The following CMIP variants were observed in gnomAD, a reference collection of about 807,000 sequenced individuals.
The protein encoded by CMIP is C-Maf-inducing protein.
Under a neutral mutation model 97.3 loss-of-function variants are expected in CMIP, and 13 were observed. That is an observed-to-expected ratio of 0.13 (90% CI 0.09 to 0.21). The LOEUF is 0.21. Among genes scored for constraint, CMIP ranks in the 10% least tolerant of loss-of-function variants. The probability of loss-of-function intolerance (pLI) is 1.00; values close to 1 mark genes in which losing one functional copy is unlikely to be tolerated. For synonymous variants in CMIP, 538 were observed against 436.3 expected (o/e 1.23, Z -2.91); for missense variants, 847 against 1,024.9 (o/e 0.83, Z 2.37).
At chr16:81,492,695 AG>A (rs1265278022) in intron 1 of CMIP, among the ~76,000 whole-genome samples, 3 of 152,082 alleles carry the variant, frequency 2.0e-5, no homozygotes. Flanking sequence ...CTGGAGAAAA[AG>A]GGGGGAAGAG....
chr16:81,638,035 C>A (rs921841015), intron 3 of CMIP, among the ~76,000 whole-genome samples: 13 of 152,296 alleles, frequency 8.5e-5, no homozygotes, highest in South Asian at 8.3e-4. Context: ...ACACCCCCCC[C>A]ACTGGGGATT....
chr16:81,599,153 C>A (rs2091615824), intron 1 of CMIP, among the ~76,000 whole-genome samples: 2 of 152,004 alleles, frequency 1.3e-5, no homozygotes, highest in African/African-American at 4.8e-5. Context: ...GGCAGCTCCC[C>A]TGTGCCCACA....
At chr16:81,696,508 T>G in intron 13 of CMIP, 52 bp from the exon 14 acceptor site, 1 of 1,547,936 alleles carries the variant, frequency 6.5e-7, no homozygotes. Context: ...ATGGTCGCCC[T>G]TGTCACCGGG....
At chr16:81,479,255 C>T (rs1045736920) in intron 1 of CMIP, among the ~76,000 whole-genome samples, 66 of 152,116 alleles carry the variant, frequency 4.3e-4, no homozygotes, top group African/African-American at 1.2e-3. Flanking sequence ...GATGTCATCT[C>T]CTATGGTAAG....
chr16:81,586,148 C>G (rs537454160), intron 1 of CMIP, among the ~76,000 whole-genome samples: 1 of 152,012 alleles, frequency 6.6e-6, no homozygotes, highest in African/African-American at 2.4e-5. Flanking sequence ...TAAACAGCTA[C>G]TTGTAGAGAC....
intron 1 of CMIP, among the ~76,000 whole-genome samples, chr16:81,595,988 C>G (rs755245475): frequency 2.0e-5 from 3 of 152,226 alleles, no homozygotes; most frequent in Admixed American, 6.5e-5. Context: ...TTTACATTCA[C>G]ACTAGTGGTG....
intron 1 of CMIP, among the ~76,000 whole-genome samples, chr16:81,477,787 T>C (rs908735108): frequency 1.3e-5 from 2 of 152,250 alleles, no homozygotes; most frequent in African/African-American, 4.8e-5. Context: ...CTTAGCACCA[T>C]GGGCCAAGAG....
intron 1 of CMIP, among the ~76,000 whole-genome samples, chr16:81,564,336 C>A (rs905684721): frequency 6.6e-6 from 1 of 152,190 alleles, no homozygotes; most frequent in East Asian, 1.9e-4. Flanking sequence ...TAAAATGTGC[C>A]CATGCTGAGC....
rs1363630842 is a variant in CMIP at position 81,626,786 on chromosome 16, AGAGTGTGT to A, written c.477+5862_477+5869del. Among the ~76,000 whole-genome samples the A allele has an allele frequency of 2.4e-3, 242 of 102,572 alleles. 8 individuals are homozygous for A. The highest frequency in any genetic ancestry group is 7.6e-3 in the African/African-American group (186 of 24,528). The allele number at this position is 102,572 out of a possible 152,430, so 67.3% of individuals were successfully genotyped here. On this transcript the variant is annotated intron_variant, in intron 3 of 20. Transcript: ENST00000537098. ...GGTGTGTGGAGTGACAGAGAGAGAG[AGAGTGTGT>A]GTGTGTGTGTGTGTGTGTGTGTGGG... is the stretch of plus-strand genomic sequence containing the variant.
At chr16:81,593,233 A>G (rs2091493316) in intron 1 of CMIP, among the ~76,000 whole-genome samples, 1 of 152,100 alleles carries the variant, frequency 6.6e-6, no homozygotes, top group Non-Finnish European at 1.5e-5. Flanking sequence ...TGTGCTGCTG[A>G]GGTCTGGGCA....
At chr16:81,679,635 A>C (rs1356630690) in intron 10 of CMIP, among the ~76,000 whole-genome samples, 1 of 151,462 alleles carries the variant, frequency 6.6e-6, no homozygotes, top group Non-Finnish European at 1.5e-5. Flanking sequence ...TGGGTGTAGG[A>C]GACCCGTGGA....
intron 1 of CMIP, among the ~76,000 whole-genome samples, chr16:81,571,983 G>C (rs926289898): frequency 6.6e-6 from 1 of 152,194 alleles, no homozygotes; most frequent in South Asian, 2.1e-4. Context: ...AGGGTGTCTC[G>C]GAAGAGTTGC....
intron 6 of CMIP, among the ~76,000 whole-genome samples, chr16:81,663,776 G>A (rs1399274637): frequency 6.6e-6 from 1 of 152,172 alleles, no homozygotes; most frequent in Non-Finnish European, 1.5e-5. Flanking sequence ...GGGTAGAAAT[G>A]CAGGCACCTG....
chr16:81,693,604 GACCCATTGCCTGTGTATAAAC>G (rs1906362481), intron 13 of CMIP, 117 bp downstream of exon 13: 1 of 1,120,922 alleles, frequency 8.9e-7, no homozygotes, highest in Admixed American at 2.4e-5. Context: ...AGCTTTCAGA[GACCCATTGCCTGTGTATAAAC>G]ACATCCCCGC....
chr16:81,675,406 A>G (rs1904292342), intron 9 of CMIP, among the ~76,000 whole-genome samples: 1 of 138,302 alleles, frequency 7.2e-6, no homozygotes, highest in African/African-American at 2.7e-5. Context: ...TTTAGTAGAG[A>G]TGGGGTTTCG....
At chr16:81,565,649 A>G (rs2090966453) in intron 1 of CMIP, among the ~76,000 whole-genome samples, 1 of 152,134 alleles carries the variant, frequency 6.6e-6, no homozygotes, top group Admixed American at 6.5e-5. Context: ...TCCTGTGGTA[A>G]CCGTGGCATC....
intron 1 of CMIP, among the ~76,000 whole-genome samples, chr16:81,604,875 A>G (rs2091716669): frequency 6.6e-6 from 1 of 152,198 alleles, no homozygotes; most frequent in Non-Finnish European, 1.5e-5. Context: ...CAGTTAAAAC[A>G]CGGATGAAAG....
chr16:81,690,257 T>G (rs888139516), intron 10 of CMIP, among the ~76,000 whole-genome samples: 24 of 152,194 alleles, frequency 1.6e-4, no homozygotes, highest in African/African-American at 5.6e-4. Context: ...GTATGGCCAT[T>G]TTCACGATAT....
chr16:81,668,291 C>T (rs551458672), intron 7 of CMIP, among the ~76,000 whole-genome samples: 88 of 152,258 alleles, frequency 5.8e-4, no homozygotes, highest in African/African-American at 2.1e-3. Context: ...AGACACAGCC[C>T]GAGGGGCTGG....
Sources: allele counts gnomAD v4.1 joint callset (sites outside exome capture counted in the v4.1 genomes callset), GRCh38; gene constraint gnomAD v4.1.1; transcripts MANE v1.5; gene names NCBI Gene and HGNC (gene_info 2026-07-23, HGNC 2026-07-21).